NEDD4: variants seen among roughly 807,000 people sequenced by gnomAD.
NEDD4 encodes NEDD4 E3 ubiquitin protein ligase, also known as E3 ubiquitin-protein ligase NEDD4.
A neutral mutation model predicts 144.9 loss-of-function variants in NEDD4; 99 were observed. That is an observed-to-expected ratio of 0.68 (90% CI 0.58 to 0.81). The LOEUF (loss-of-function observed/expected upper bound fraction) is 0.81, where lower values mean the gene tolerates loss of function less well. Among genes scored for constraint, NEDD4 ranks in the 30% least tolerant of loss-of-function variants. The probability of loss-of-function intolerance (pLI) is 0.00; values close to 1 mark genes in which losing one functional copy is unlikely to be tolerated. For missense variants in NEDD4, 985 were observed against 1,065.9 expected, an observed-to-expected ratio of 0.92 and a Z score of 1.06; for synonymous variants, 318 against 350.6, an observed-to-expected ratio of 0.91 and a Z score of 1.04.
chr15:55,951,587 T>A lies in NEDD4; in HGVS notation c.122A>T (p.Asp41Val). 2.1e-6 allele frequency: 3 copies of A among 1,419,942 alleles called. No individual in the cohort carries two copies. Among genetic ancestry groups the A allele is most frequent in the African/African-American group, 1.8e-5 (1 of 56,756 alleles). The allele number at this position is 1,419,942 out of a possible 1,614,324, so 88.0% of individuals were successfully genotyped here. Reference protein sequence around the residue: ...LAKKDILGASDPYVRVTLYDP... With the variant: ...LAKKDILGASVPYVRVTLYDP... ...ATATAACGTCACTCTCACGTAAGGATCACTGTTAAAAAAAAAAAAAAAAAG... is the reference window on the plus strand; with the variant it reads ...ATATAACGTCACTCTCACGTAAGGAACACTGTTAAAAAAAAAAAAAAAAAG... Residue 41 changes from aspartate to valine, a missense_variant and splice_region_variant, in exon 3 of 29, where the codon GAT becomes GTT. Physicochemically the swap from Asp to Val is radical, Grantham distance 152. Coordinates refer to ENST00000435532, the MANE Select transcript of NEDD4 (RefSeq NM_006154.4).
intron 5 of NEDD4, among the ~76,000 whole-genome samples, chr15:55,919,085 G>T (rs904214744): frequency 6.6e-6 from 1 of 152,142 alleles, no homozygotes; most frequent in Admixed American, 6.5e-5. Context: ...TCTTTGGTAA[G>T]CTTCACTATA....
At chr15:55,830,380 C>G in intron 28 of NEDD4, 134 bp downstream of exon 28, 1 of 806,446 alleles carries the variant, frequency 1.2e-6, no homozygotes, top group African/African-American at 1.7e-5. Flanking sequence ...TTGGGTGTCA[C>G]CAACTCCTTC....
At chr15:55,956,039 C>T (rs1257827220) in intron 2 of NEDD4, among the ~76,000 whole-genome samples, 2 of 152,042 alleles carry the variant, frequency 1.3e-5, no homozygotes, top group African/African-American at 4.8e-5. Flanking sequence ...GTCTCGAACT[C>T]CAGGGCTCAA....
chr15:55,852,724 T>TATATATATATATATATATATATA (rs1566910889), intron 12 of NEDD4, among the ~76,000 whole-genome samples, 181 bp from the exon 13 acceptor site: 1 of 128,730 alleles, frequency 7.8e-6, no homozygotes, highest in African/African-American at 2.9e-5. Context: ...TATATATATA[T>TATATATATATATATATATATATA]TTACCTTTTC....
chr15:55,849,791 ATTT>A (rs1202773235), intron 14 of NEDD4, among the ~76,000 whole-genome samples: 1 of 145,356 alleles, frequency 6.9e-6, no homozygotes, highest in Admixed American at 6.9e-5. Context: ...ATTTTAAGTA[ATTT>A]TTTTTTTTTT....
At chr15:55,979,653 A>G (rs936457889) in intron 1 of NEDD4, among the ~76,000 whole-genome samples, 8 of 152,220 alleles carry the variant, frequency 5.3e-5, no homozygotes, top group Admixed American at 2.0e-4. Flanking sequence ...GCGCCCGGCG[A>G]AAGTTTTTAC....
At position 55,909,940 on chromosome 15, in the gene NEDD4, A is replaced by T. The variant is rs117724097; in HGVS notation, c.291+14706T>A. On this transcript the variant is annotated intron_variant, in intron 5 of 28. Transcript: ENST00000435532. The stretch of plus-strand genomic sequence containing the variant: ...CTAATGCTGTCCAAAATGAGGTGTG[A>T]ATATTCATAAGCGATTTCAAGTTTT... Among the ~76,000 whole-genome samples the T allele has an allele frequency of 4.9e-4, 74 of 152,316 alleles. 1 individual carries two copies. In the East Asian group the frequency reaches 0.011, roughly 22 times the overall value.
At chr15:55,981,326 A>T (rs2037800306) in intron 1 of NEDD4, among the ~76,000 whole-genome samples, 1 of 151,876 alleles carries the variant, frequency 6.6e-6, no homozygotes, top group South Asian at 2.1e-4. Context: ...CAGCCTCCCA[A>T]AGTGCTGGGA....
chr15:55,916,106 T>C, intron 5 of NEDD4: 1 of 1,613,980 alleles, frequency 6.2e-7, no homozygotes, highest in Non-Finnish European at 8.5e-7. Flanking sequence ...CTAATCCATG[T>C]TCCAAGTCAT....
intron 1 of NEDD4, among the ~76,000 whole-genome samples, chr15:55,983,204 A>C (rs527665902): frequency 1.3e-4 from 20 of 152,252 alleles, no homozygotes; most frequent in Non-Finnish European, 2.9e-4. Context: ...AGAAGAAATA[A>C]AGAAATAACT....
In NEDD4 at chr15:55,980,625, G is replaced by C. The variant is rs114053579; in HGVS notation, c.45+12886C>G. ...AACAGTAGATTCAACACAGAAAAGA[G>C]ATCGAGTGAATTCTCACAATGATGG... On this transcript the variant is annotated intron_variant, in intron 1 of 28. Coordinates refer to ENST00000435532, the MANE Select transcript of NEDD4 (RefSeq NM_006154.4). Among the ~76,000 whole-genome samples, 546 of 152,274 alleles carry C rather than the reference G, an allele frequency of 3.6e-3. 4 individuals carry two copies. Among genetic ancestry groups the C allele is most frequent in the African/African-American group, 0.012 (516 of 41,552 alleles).
At chr15:55,876,661 A>C (rs2035005102) in intron 5 of NEDD4, among the ~76,000 whole-genome samples, 1 of 152,126 alleles carries the variant, frequency 6.6e-6, no homozygotes, top group African/African-American at 2.4e-5. Context: ...GAAACAAAGA[A>C]ACAGATGAGA....
Position 55,979,866 on chromosome 15 carries a change from C to A in NEDD4, c.46-13320G>T, listed in dbSNP as rs182482162. 1.5e-3 allele frequency among the ~76,000 whole-genome samples: 231 copies of A among 151,950 alleles called. 2 individuals carry two copies. Among genetic ancestry groups the A allele is most frequent in the Non-Finnish European group, 2.1e-3 (144 of 67,970 alleles). On this transcript the variant is annotated intron_variant, in intron 1 of 28. Coordinates refer to ENST00000435532, the MANE Select transcript of NEDD4 (RefSeq NM_006154.4). ...TTTATGCCTTTCTCCACTTTTAAAA[C>A]TGAGATTTTGGAAACTTTCTTTTCA... is the stretch of plus-strand genomic sequence containing the variant.
intron 4 of NEDD4, among the ~76,000 whole-genome samples, chr15:55,932,724 G>A (rs2036807125): frequency 6.6e-6 from 1 of 152,084 alleles, no homozygotes; most frequent in Non-Finnish European, 1.5e-5. Context: ...CCATCAGAGT[G>A]AACAGGCAAC....
chr15:55,875,519 T>C (rs764887416), intron 5 of NEDD4, among the ~76,000 whole-genome samples: 1 of 152,108 alleles, frequency 6.6e-6, no homozygotes, highest in Non-Finnish European at 1.5e-5. Flanking sequence ...GGTTTCACCA[T>C]GTTGACCAGT....
intron 5 of NEDD4, among the ~76,000 whole-genome samples, chr15:55,921,299 G>A (rs1305804597): frequency 2.0e-5 from 3 of 151,920 alleles, no homozygotes; most frequent in African/African-American, 7.3e-5. Flanking sequence ...GAATTTCTTA[G>A]TCCTTAGTGT....
intron 1 of NEDD4, among the ~76,000 whole-genome samples, chr15:55,967,325 TAAAG>T (rs1274323501): frequency 6.6e-6 from 1 of 152,234 alleles, no homozygotes; most frequent in Non-Finnish European, 1.5e-5. Context: ...AGAGGTTTTA[TAAAG>T]AGTGTCTTAG....
At chr15:55,898,830 A>C (rs1255955525) in intron 5 of NEDD4, among the ~76,000 whole-genome samples, 2 of 151,866 alleles carry the variant, frequency 1.3e-5, no homozygotes, top group Non-Finnish European at 2.9e-5. Flanking sequence ...AAATAGAGAC[A>C]GGGGTCTCAC....
Position 55,840,467 on chromosome 15 carries a change from G to A in NEDD4, c.2011C>T (p.Leu671Phe). The A allele has an allele frequency of 1.2e-6, 2 of 1,613,748 alleles. No individual in the cohort carries two copies. The highest frequency in any genetic ancestry group is 8.5e-7 in the Non-Finnish European group (1 of 1,179,900). The change falls in exon 21 of 29, where the codon CTT (leucine) becomes TTT (phenylalanine). Residue 671 changes from leucine to phenylalanine, a missense_variant. Transcript: ENST00000435532. ...YKMMLHKPIT[L>F]HDMESVDSEY... ...CATACCACAGATTCCATATCATGAA[G>A]GGTTATTGGTTTGTGAAGCATCATC...
Sources: gnomAD v4.1 joint callset for allele counts (sites outside exome capture counted in the v4.1 genomes callset) on GRCh38, gnomAD v4.1.1 for gene constraint, MANE v1.5 for transcripts, NCBI Gene and HGNC (gene_info 2026-07-23, HGNC 2026-07-21) for gene names.